CTNNAL1: variants seen among roughly 807,000 people sequenced by gnomAD.
CTNNAL1 encodes the protein catenin alpha like 1.
CTNNAL1 carries 69 observed loss-of-function variants against 93.6 expected under a neutral mutation model. The observed-to-expected ratio is 0.74, with a 90% CI of 0.61 to 0.90. CTNNAL1 has a LOEUF of 0.90. Among genes scored for constraint, CTNNAL1 ranks in the 40% least tolerant of loss-of-function variants. The pLI is 0.00. For synonymous variants in CTNNAL1, 286 were observed against 305.4 expected (o/e 0.94, Z 0.66); for missense variants, 836 against 862.0 (o/e 0.97, Z 0.38).
chr9:109,009,519 T>A (rs767238867), intron 1 of CTNNAL1, among the ~76,000 whole-genome samples: 1 of 152,196 alleles, frequency 6.6e-6, no homozygotes, highest in Non-Finnish European at 1.5e-5. Context: ...TATGTGTGGA[T>A]CTGTTCTAGG....
At chr9:108,963,207 G>T (rs1587955237) in intron 11 of CTNNAL1, among the ~76,000 whole-genome samples, 1 of 152,164 alleles carries the variant, frequency 6.6e-6, no homozygotes, top group East Asian at 1.9e-4. Flanking sequence ...CTTGAGAGGG[G>T]GGAAAAGCCT....
chr9:108,983,124 A>C (rs766041700), intron 6 of CTNNAL1, 21 bp downstream of exon 6: 7 of 1,403,916 alleles, frequency 5.0e-6, no homozygotes, highest in Non-Finnish European at 5.6e-6. Context: ...AAAAATAAAA[A>C]TATACTCTCT....
chr9:108,968,308 G>A (rs1831015485), intron 10 of CTNNAL1, among the ~76,000 whole-genome samples: 1 of 152,238 alleles, frequency 6.6e-6, no homozygotes, highest in African/African-American at 2.4e-5. Flanking sequence ...AAGACTAGGA[G>A]TGGAAGCTAA....
At position 109,000,176 on chromosome 9, in the gene CTNNAL1, C is replaced by G. The variant is rs572107797; in HGVS notation, c.142-920G>C. ...TAAGTCTTGGCTCGGCGATTACTTG[C>G]TAAGTGGTCTAGGGAAATTTAATAT... On this transcript the variant is annotated intron_variant, in intron 1 of 18. Transcript: ENST00000325551. Among the ~76,000 whole-genome samples, 3 of 152,212 alleles carry G rather than the reference C, an allele frequency of 2.0e-5. No individual in the cohort carries two copies. The South Asian group carries it at 6.2e-4, about 32-fold the overall frequency.
At chr9:108,990,265 T>C (rs187865629) in intron 4 of CTNNAL1, among the ~76,000 whole-genome samples, 137 of 150,588 alleles carry the variant, frequency 9.1e-4, no homozygotes, top group Non-Finnish European at 1.8e-3. Flanking sequence ...AGATCATGTA[T>C]ATTAAGTACC....
chr9:108,989,775 C>T (rs1245429844), intron 4 of CTNNAL1, among the ~76,000 whole-genome samples: 1 of 152,206 alleles, frequency 6.6e-6, no homozygotes, highest in East Asian at 1.9e-4. Flanking sequence ...ATTGGCTGGG[C>T]ACGGTGATTC....
At chr9:108,952,636 A>G (rs767697207) in intron 12 of CTNNAL1, 142 bp from the exon 13 acceptor site, 50 of 1,064,500 alleles carry the variant, frequency 4.7e-5, no homozygotes, top group African/African-American at 6.4e-5. Context: ...TATTTTACCA[A>G]TTGCAAGTAC....
At chr9:108,947,198 C>T (rs1830432981) in intron 15 of CTNNAL1, among the ~76,000 whole-genome samples, 2 of 150,646 alleles carry the variant, frequency 1.3e-5, no homozygotes, top group South Asian at 4.2e-4. Context: ...ACTGCAAGCT[C>T]CGCCTCCCGG....
intron 1 of CTNNAL1, among the ~76,000 whole-genome samples, chr9:109,005,919 G>T (rs1827010975): frequency 6.6e-6 from 1 of 152,174 alleles, no homozygotes; most frequent in Admixed American, 6.5e-5. Context: ...TCTAGGAAAT[G>T]TTCAATCCAA....
intron 11 of CTNNAL1, 102 bp downstream of exon 11, chr9:108,965,276 G>T: frequency 1.0e-6 from 1 of 963,856 alleles, no homozygotes; most frequent in Non-Finnish European, 1.4e-6. Flanking sequence ...AACCCAGCTG[G>T]GTTACGACAA....
intron 1 of CTNNAL1, among the ~76,000 whole-genome samples, chr9:109,000,418 A>C (rs1257104209): frequency 6.6e-6 from 1 of 152,190 alleles, no homozygotes; most frequent in East Asian, 1.9e-4. Flanking sequence ...ATAACAATCA[A>C]CAAGAAAGAA....
At chr9:108,972,894 A>G in intron 8 of CTNNAL1, 61 bp from the exon 9 acceptor site, 1 of 1,461,708 alleles carries the variant, frequency 6.8e-7, no homozygotes, top group South Asian at 1.4e-5. Flanking sequence ...GTGATGAAGG[A>G]AAGAAAACAA....
chr9:108,956,583 TA>T (rs1423457852), intron 11 of CTNNAL1, among the ~76,000 whole-genome samples: 2 of 152,234 alleles, frequency 1.3e-5, no homozygotes, highest in African/African-American at 4.8e-5. Flanking sequence ...TATTCAGCTA[TA>T]ATAGAATAGT....
In CTNNAL1 at chr9:109,013,484, G is replaced by A. The variant is rs1440185595; in HGVS notation, c.-42C>T. 4 of 1,320,964 alleles carry A rather than the reference G, an allele frequency of 3.0e-6. No individual in the cohort carries two copies. The highest frequency in any genetic ancestry group is 3.1e-5 in the African/African-American group (2 of 64,662). The allele number at this position is 1,320,964 out of a possible 1,614,324, so 81.8% of individuals were successfully genotyped here. Reference sequence around the variant, plus strand: ...CGCAGCCGGGACTCCGCGCCGCGGCGAGCCTGCCGCCAGTCAGCCCACCCG... The same window carrying A: ...CGCAGCCGGGACTCCGCGCCGCGGCAAGCCTGCCGCCAGTCAGCCCACCCG... On this transcript the variant is annotated 5_prime_UTR_variant, in exon 1 of 19. Coordinates refer to ENST00000325551, the MANE Select transcript of CTNNAL1 (RefSeq NM_003798.4).
intron 4 of CTNNAL1, among the ~76,000 whole-genome samples, chr9:108,987,809 T>C (rs1298575963): frequency 1.3e-5 from 2 of 152,242 alleles, no homozygotes; most frequent in Non-Finnish European, 2.9e-5. Context: ...GGGAGTTCAC[T>C]CATGATTTGG....
chr9:108,949,560 T>A (rs1419469368), intron 14 of CTNNAL1, among the ~76,000 whole-genome samples: 1 of 152,046 alleles, frequency 6.6e-6, no homozygotes, highest in African/African-American at 2.4e-5. Flanking sequence ...ATACAAAAAT[T>A]AGGCCAGGTG....
chr9:108,972,864 G>GGGGGGGGGGGGGGGGGCCCCCCCCC, intron 8 of CTNNAL1, 31 bp from the exon 9 acceptor site: 11 of 142,524 alleles, frequency 7.7e-5, no homozygotes, highest in Non-Finnish European at 1.0e-4. Flanking sequence ...GGGGGGGTGG[G>GGGGGGGGGGGGGGGGGCCCCCCCCC]AGGGTGGAGA....
At chr9:108,967,347 ATGT>A (rs1470548733) in intron 10 of CTNNAL1, among the ~76,000 whole-genome samples, 5 of 152,148 alleles carry the variant, frequency 3.3e-5, no homozygotes, top group Non-Finnish European at 7.4e-5. Flanking sequence ...CTAACAAGTG[ATGT>A]TGTTGTTCCA....
intron 9 of CTNNAL1, among the ~76,000 whole-genome samples, chr9:108,971,455 C>T (rs530616165): frequency 2.6e-5 from 4 of 152,260 alleles, no homozygotes; most frequent in South Asian, 4.1e-4. Context: ...TAATAATCCC[C>T]GCATGTCAAA....
Sources: allele counts gnomAD v4.1 joint callset (sites outside exome capture counted in the v4.1 genomes callset), GRCh38; gene constraint gnomAD v4.1.1; transcripts MANE v1.5; gene names NCBI Gene and HGNC (gene_info 2026-07-23, HGNC 2026-07-21).